Variants in BRCA2 observed in about 807,000 individuals in gnomAD.
BRCA2 encodes breast cancer type 2 susceptibility protein.
BRCA2 carries 203 observed loss-of-function variants against 276.7 expected under a neutral mutation model. The observed-to-expected ratio is 0.73, with a 90% CI of 0.65 to 0.82. The LOEUF is 0.82. Ranked by LOEUF, BRCA2 falls within the 40% of genes least tolerant of loss-of-function variation. The pLI is 0.00. For missense variants in BRCA2, 3,920 were observed against 3,915.0 expected, an observed-to-expected ratio of 1.00 and a Z score of -0.03; for synonymous variants, 1,289 against 1,338.4, an observed-to-expected ratio of 0.96 and a Z score of 0.81.
rs276174919 is a variant in BRCA2 at position 32,394,671 on chromosome 13, C to CT, written c.9257-10dup. 28 of 1,607,432 alleles carry CT rather than the reference C, an allele frequency of 1.7e-5. No homozygotes were observed. The highest frequency in any genetic ancestry group is 1.5e-4 in the Admixed American group (9 of 59,710). On this transcript the variant is annotated splice_polypyrimidine_tract_variant and intron_variant, in intron 24 of 26. Coordinates refer to ENST00000380152, the MANE Select transcript of BRCA2 (RefSeq NM_000059.4). ...AACACATCTATAATAACATTCTTTT[C>CT]TTTTTTTTCCATTCTAGGACTTGCC...
intron 3 of BRCA2, 70 bp downstream of exon 3, chr13:32,319,395 C>A: frequency 6.9e-7 from 1 of 1,444,612 alleles, no homozygotes; most frequent in South Asian, 1.2e-5. Context: ...GTGTTAAAAT[C>A]TTAGCTCATT....
At chr13:32,324,957 C>T (rs1246120272) in intron 3 of BRCA2, 119 bp from the exon 4 acceptor site, 1 of 722,176 alleles carries the variant, frequency 1.4e-6, no homozygotes, top group East Asian at 2.8e-5. Context: ...CTTCTTACAA[C>T]TCCCTATACA....
At position 32,340,309 on chromosome 13, in the gene BRCA2, C is replaced by G. The variant is rs1272409475; in HGVS notation, c.5954C>G (p.Ser1985Cys). The change falls in exon 11 of 27, where the codon TCT becomes TGT. Residue 1985 changes from serine (S) to cysteine (C), a missense_variant. Ser to Cys is a moderately radical substitution (Grantham distance 112, BLOSUM62 -1). Coordinates refer to ENST00000380152, the MANE Select transcript of BRCA2 (RefSeq NM_000059.4). ...ATTTTTAGCACAGCAAGTGGAAAATCTGTCCAGGTATCAGATGCTTCATTA... is the reference window on the plus strand; with the variant it reads ...ATTTTTAGCACAGCAAGTGGAAAATGTGTCCAGGTATCAGATGCTTCATTA... ...CGIFSTASGK[S>C]VQVSDASLQN... 1 of 1,613,994 alleles carries G rather than the reference C, an allele frequency of 6.2e-7. No individual in the cohort carries two copies. The highest frequency in any genetic ancestry group is 1.1e-5 in the South Asian group (1 of 91,084).
In BRCA2 at chr13:32,399,119, AG is replaced by A. The variant is rs1310747602; in HGVS notation, c.*352del. The A allele has an allele frequency of 3.9e-6, 1 of 254,550 alleles. No homozygotes were observed. The highest frequency in any genetic ancestry group is 2.2e-5 in the African/African-American group (1 of 45,144). 15.8% of individuals were successfully genotyped at this position (254,550 alleles called of 1,614,324 possible). A position where few individuals can be genotyped will look rare whatever the true frequency, so the allele number is the denominator to read the frequency against. On this transcript the variant is annotated 3_prime_UTR_variant, in exon 27 of 27. Coordinates refer to ENST00000380152, the MANE Select transcript of BRCA2 (RefSeq NM_000059.4). ...AGTTCAAGACCAGCCTGGGCAACAT[AG>A]GGAGACCCCCATCTTTACAAAGAAA... is the stretch of plus-strand genomic sequence containing the variant.
chr13:32,326,064 TAA>T, intron 4 of BRCA2, 35 bp from the exon 5 acceptor site: 1 of 1,571,974 alleles, frequency 6.4e-7, no homozygotes, highest in African/African-American at 1.4e-5. Context: ...GCCAGTTTTT[TAA>T]AATAACCTAA....
At chr13:32,381,052 A>T (rs2072921635) in intron 24 of BRCA2, among the ~76,000 whole-genome samples, 1 of 151,988 alleles carries the variant, frequency 6.6e-6, no homozygotes. Flanking sequence ...TTCTTTGACT[A>T]TATTATATTA....
rs398122792 is a variant in BRCA2, at chr13:32,339,480, G to A, written c.5125G>A (p.Asp1709Asn). 1 of 1,583,240 alleles carries A rather than the reference G, an allele frequency of 6.3e-7. No homozygotes were observed. Among genetic ancestry groups the A allele is most frequent in the Non-Finnish European group, 8.6e-7 (1 of 1,166,982 alleles). ...DGQPERINTA[D>N]YVGNYLYENN... ...TCAACCAGAAAGAATAAATACTGCA[G>A]ATTATGTAGGAAATTATTTGTATGA... Residue 1709 changes from aspartate (D) to asparagine (N), a missense_variant, in exon 11 of 27, where the codon GAT becomes AAT. Around this residue, in one of 2 missense-constraint regions of BRCA2, gnomAD observed 3,263 missense variants for 3,156.9 expected, o/e 1.03. Coordinates refer to ENST00000380152, the MANE Select transcript of BRCA2 (RefSeq NM_000059.4).
In BRCA2 at chr13:32,325,064, G is replaced by A. The variant is rs81002841; in HGVS notation, c.317-12G>A. On this transcript the variant is annotated splice_polypyrimidine_tract_variant and intron_variant, in intron 3 of 26. Coordinates refer to ENST00000380152, the MANE Select transcript of BRCA2 (RefSeq NM_000059.4). ...GTATATACATTCTCACTGAATTATTGTACTGTTTCAGGAAGGAATGTTCCC... is the reference window on the plus strand; with the variant it reads ...GTATATACATTCTCACTGAATTATTATACTGTTTCAGGAAGGAATGTTCCC... 2 of 1,514,372 alleles carry A rather than the reference G, an allele frequency of 1.3e-6. No individual in the cohort carries two copies. Among genetic ancestry groups the A allele is most frequent in the East Asian group, 2.3e-5 (1 of 44,352 alleles). 93.8% of individuals were successfully genotyped at this position (1,514,372 alleles called of 1,614,324 possible). A position where few individuals can be genotyped will look rare whatever the true frequency, so the allele number is the denominator to read the frequency against.
In BRCA2 at chr13:32,371,095, A is replaced by G. The variant is rs1060502470; in HGVS notation, c.8627A>G (p.His2876Arg). 2 of 1,613,988 alleles carry G rather than the reference A, an allele frequency of 1.2e-6. No homozygotes were observed. Among genetic ancestry groups the G allele is most frequent in the Non-Finnish European group, 1.7e-6 (2 of 1,179,862 alleles). ...FTKIQEEFEE[H>R]EENTTKPYLP... ...AAAATTCAGGAGGAATTTGAAGAAC[A>G]TGAAGGTAAAATTAGTTATATGGTA... The change falls in exon 20 of 27, where the codon CAT becomes CGT. Residue 2876 changes from histidine (H) to arginine (R), a missense_variant. Around this residue, in one of 2 missense-constraint regions of BRCA2, gnomAD observed 657 missense variants for 758.2 expected, o/e 0.87. Transcript: ENST00000380152.
Position 32,337,452 on chromosome 13 carries a change from G to C in BRCA2, c.3097G>C (p.Asp1033His), listed in dbSNP as rs780279081. The C allele has an allele frequency of 6.2e-7, 1 of 1,612,204 alleles. No homozygotes were observed. Residue 1033 changes from aspartate (D) to histidine (H), a missense_variant, in exon 11 of 27, where the codon GAT becomes CAT. Asp to His is a moderately conservative substitution (Grantham distance 81). Transcript: ENST00000380152. ...NIKKSKMFFKDIEEQYPTSLA... is the reference protein window; with the variant it reads ...NIKKSKMFFKHIEEQYPTSLA... The stretch of plus-strand genomic sequence containing the variant: ...TAAGAAGAGCAAAATGTTCTTCAAA[G>C]ATATTGAAGAACAATATCCTACTAG...
chr13:32,347,999 C>T lies in BRCA2; in HGVS notation c.7007+1103C>T, dbSNP rs206081. Among the ~76,000 whole-genome samples, 27,575 of 151,812 alleles carry T rather than the reference C, an allele frequency of 0.18. 2,567 individuals carry two copies. Among genetic ancestry groups the T allele is most frequent in the Middle Eastern group, 0.24 (70 of 294 alleles). On this transcript the variant is annotated intron_variant, in intron 13 of 26. Coordinates refer to ENST00000380152, the MANE Select transcript of BRCA2 (RefSeq NM_000059.4). ...TAGCAGAAAGGAACCTAGAGGAAAT[C>T]GACTATGAAAACTTCATAAAAACCT...
At chr13:32,372,275 T>G (rs368263801) in intron 20 of BRCA2, among the ~76,000 whole-genome samples, 63 of 152,318 alleles carry the variant, frequency 4.1e-4, no homozygotes, top group African/African-American at 1.4e-3. Context: ...AGGACTAGAT[T>G]CCCTCTCAAG....
chr13:32,322,596 C>A (rs2072313649), intron 3 of BRCA2, among the ~76,000 whole-genome samples: 1 of 152,190 alleles, frequency 6.6e-6, no homozygotes, highest in African/African-American at 2.4e-5. Flanking sequence ...CCCGGGTGGG[C>A]CAGGTGTTCC....
chr13:32,340,114 T>G lies in BRCA2; in HGVS notation c.5759T>G (p.Val1920Gly), dbSNP rs2137520635. 2.5e-6 allele frequency: 4 copies of G among 1,613,590 alleles called. No individual in the cohort carries two copies. Among genetic ancestry groups the G allele is most frequent in the Non-Finnish European group, 3.4e-6 (4 of 1,179,728 alleles). The change falls in exon 11 of 27, where the codon GTT becomes GGT. Residue 1920 changes from valine to glycine, a missense_variant. Val to Gly is a moderately radical substitution (Grantham distance 109, BLOSUM62 -3). Transcript: ENST00000380152. ...NDECSTHSHK[V>G]FADIQSEEIL... is the part of the protein sequence containing the mutation. The stretch of plus-strand genomic sequence containing the variant: ...GAATGTAGCACGCATTCACATAAGG[T>G]TTTTGCTGACATTCAGAGTGAAGAA...
At chr13:32,357,716 TTTTTG>T in intron 15 of BRCA2, 21 bp from the exon 16 acceptor site, 1 of 1,600,070 alleles carries the variant, frequency 6.2e-7, no homozygotes, top group Non-Finnish European at 8.5e-7. Context: ...TTGTTTTTCT[TTTTTG>T]TGTGTGTTTA....
chr13:32,397,777 A>C (rs2073046329), intron 26 of BRCA2, among the ~76,000 whole-genome samples: 1 of 152,228 alleles, frequency 6.6e-6, no homozygotes, highest in Non-Finnish European at 1.5e-5. Context: ...TAATAAGGTC[A>C]CAAAGCTAGA....
At chr13:32,319,033 T>C (rs2138703248) in intron 2 of BRCA2, 44 bp from the exon 3 acceptor site, 1 of 1,607,108 alleles carries the variant, frequency 6.2e-7, no homozygotes, top group Non-Finnish European at 8.5e-7. Context: ...CACAAATTTG[T>C]CTGTCACTGG....
chr13:32,357,474 C>T (rs2137565258), intron 15 of BRCA2, among the ~76,000 whole-genome samples: 1 of 152,184 alleles, frequency 6.6e-6, no homozygotes, highest in African/African-American at 2.4e-5. Context: ...TTTTTTTATC[C>T]TCACAGTACC....
chr13:32,394,144 G>A (rs144393495), intron 24 of BRCA2, among the ~76,000 whole-genome samples: 162 of 151,974 alleles, frequency 1.1e-3, no homozygotes, highest in African/African-American at 3.8e-3. Flanking sequence ...TTACAGCTAC[G>A]TGGTACACCA....
Sources: allele counts gnomAD v4.1 joint callset (sites outside exome capture counted in the v4.1 genomes callset), GRCh38; gene constraint gnomAD v4.1.1; regional missense constraint gnomAD v4.1.1; transcripts MANE v1.5; gene names NCBI Gene and HGNC (gene_info 2026-07-23, HGNC 2026-07-21).